MTDH: variants seen among roughly 807,000 people sequenced by gnomAD.
The protein encoded by MTDH is metadherin.
MTDH carries 34 observed loss-of-function variants against 72.7 expected under a neutral mutation model. The observed-to-expected ratio is 0.47, with a 90% CI of 0.36 to 0.62. MTDH has a LOEUF of 0.62. Ranked by LOEUF, MTDH falls within the 20% of genes least tolerant of loss-of-function variation. The pLI is 0.00. For missense variants in MTDH, 677 were observed against 699.4 expected (o/e 0.97, Z 0.36); for synonymous variants, 266 against 268.9 (o/e 0.99, Z 0.10).
chr8:97,692,542 AT>A (rs149399419), intron 6 of MTDH, among the ~76,000 whole-genome samples: 4,768 of 150,312 alleles, frequency 0.032, 278 homozygotes, highest in African/African-American at 0.11. Flanking sequence ...TCAGCTAATT[AT>A]TTTTTTGTAT....
At chr8:97,682,222 T>TA (rs1262832944) in intron 2 of MTDH, among the ~76,000 whole-genome samples, 1 of 118,746 alleles carries the variant, frequency 8.4e-6, no homozygotes, top group Non-Finnish European at 1.7e-5. Flanking sequence ...GTGTTCTTGT[T>TA]AATTACTTTA....
Position 97,661,166 on chromosome 8 carries a change from A to AT in MTDH, c.477dup (p.Glu160Ter). ...CAGCCACCAGAGATTGACAAGAAAA[A>AT]TGAAAAGGTAAGTTTGGGAGCATAT... On this transcript the variant is annotated frameshift_variant, in exon 2 of 12. Transcript: ENST00000336273. LOFTEE classifies it high-confidence loss of function. 1 of 1,609,516 alleles carries AT rather than the reference A, an allele frequency of 6.2e-7. No individual in the cohort carries two copies. The highest frequency in any genetic ancestry group is 8.5e-7 in the Non-Finnish European group (1 of 1,177,490).
At chr8:97,683,212 G>T (rs556608520) in intron 2 of MTDH, among the ~76,000 whole-genome samples, 2 of 150,038 alleles carry the variant, frequency 1.3e-5, no homozygotes, top group Non-Finnish European at 3.0e-5. Context: ...CTACAGGCAC[G>T]TGCCACCACA....
intron 8 of MTDH, 95 bp from the exon 9 acceptor site, chr8:97,713,567 C>G: frequency 1.5e-6 from 1 of 666,776 alleles, no homozygotes; most frequent in South Asian, 2.5e-5. Context: ...GAAATGAAGA[C>G]TGTACCTAAT....
chr8:97,678,835 T>C (rs1218741322), intron 2 of MTDH, among the ~76,000 whole-genome samples: 3 of 152,126 alleles, frequency 2.0e-5, no homozygotes, highest in Non-Finnish European at 2.9e-5. Flanking sequence ...TACAAAGAAT[T>C]TATACTGAAT....
intron 7 of MTDH, among the ~76,000 whole-genome samples, chr8:97,701,545 C>G (rs1326798207): frequency 2.0e-5 from 3 of 151,908 alleles, no homozygotes; most frequent in Non-Finnish European, 2.9e-5. Context: ...TATTTAAATC[C>G]AAGGTTTTAC....
At chr8:97,681,299 G>A (rs1161286986) in intron 2 of MTDH, among the ~76,000 whole-genome samples, 1 of 152,026 alleles carries the variant, frequency 6.6e-6, no homozygotes, top group Non-Finnish European at 1.5e-5. Flanking sequence ...GGAATCAAAT[G>A]CTCATATGTA....
rs2131090971 is a variant in MTDH at position 97,723,118 on chromosome 8, G to A, written c.1678+83G>A. The stretch of plus-strand genomic sequence containing the variant: ...TTCTGATCTTAAAAGTCTAATGGAG[G>A]CCAGGCGCAGTGGCTCACGCCTGTA... On this transcript the variant is annotated intron_variant, in intron 11 of 11. Transcript: ENST00000336273. The A allele has an allele frequency of 2.1e-6, 3 of 1,439,442 alleles. No homozygotes were observed. The East Asian group carries it at 7.2e-5, about 34-fold the overall frequency. 89.2% of individuals were successfully genotyped at this position (1,439,442 alleles called of 1,614,324 possible).
rs993123105 is a variant in MTDH, at chr8:97,729,427, A to C, written c.*4757A>C. 1.7e-4 allele frequency among the ~76,000 whole-genome samples: 26 copies of C among 152,104 alleles called. No homozygotes were observed. Among genetic ancestry groups the C allele is most frequent in the Admixed American group, 1.6e-3 (25 of 15,240 alleles). On this transcript the variant is annotated 3_prime_UTR_variant, in exon 12 of 12. Transcript: ENST00000336273. ...GAAGCTGGATGGGACGTAATATTCTATCTGGGTTGTCATGGGCCAAATTAA... is the reference window on the plus strand; with the variant it reads ...GAAGCTGGATGGGACGTAATATTCTCTCTGGGTTGTCATGGGCCAAATTAA...
intron 1 of MTDH, among the ~76,000 whole-genome samples, chr8:97,656,030 T>G (rs1035385377): frequency 2.0e-5 from 3 of 152,180 alleles, no homozygotes; most frequent in Non-Finnish European, 4.4e-5. Context: ...GCCCATAGTC[T>G]TCTCATATTC....
chr8:97,720,476 CTGAG>C (rs1454342807), intron 10 of MTDH, among the ~76,000 whole-genome samples: 10 of 149,530 alleles, frequency 6.7e-5, no homozygotes, highest in Non-Finnish European at 1.5e-4. Flanking sequence ...ACTCGGGAGA[CTGAG>C]TGGGAAGATC....
At chr8:97,708,549 T>C (rs1342998314) in intron 8 of MTDH, among the ~76,000 whole-genome samples, 2 of 120,230 alleles carry the variant, frequency 1.7e-5, no homozygotes, top group Non-Finnish European at 3.2e-5. Flanking sequence ...CCCAAAGTGC[T>C]GGGATTACAG....
intron 11 of MTDH, among the ~76,000 whole-genome samples, chr8:97,724,293 T>TAAA (rs1815271830): frequency 6.6e-6 from 1 of 152,194 alleles, no homozygotes. Flanking sequence ...CTACCTTTAG[T>TAAA]ATCCATTTTA....
intron 6 of MTDH, among the ~76,000 whole-genome samples, chr8:97,698,376 A>G (rs922680299): frequency 6.6e-6 from 1 of 152,190 alleles, no homozygotes; most frequent in African/African-American, 2.4e-5. Flanking sequence ...TCTATAAAGC[A>G]AGGGGTTTGA....
At chr8:97,718,789 C>G (rs536506123) in intron 9 of MTDH, among the ~76,000 whole-genome samples, 5 of 151,822 alleles carry the variant, frequency 3.3e-5, no homozygotes, top group Non-Finnish European at 7.4e-5. Flanking sequence ...CTCCATCTCT[C>G]AGGCTCAAGT....
At chr8:97,651,859 C>A (rs1345657821) in intron 1 of MTDH, among the ~76,000 whole-genome samples, 1 of 152,168 alleles carries the variant, frequency 6.6e-6, no homozygotes, top group Non-Finnish European at 1.5e-5. Flanking sequence ...TTCTTGCCTT[C>A]TCCCAGTCTT....
At chr8:97,697,150 A>ATATATATATATATTTTTTTTTTTTTT in intron 6 of MTDH, among the ~76,000 whole-genome samples, 11 of 68,754 alleles carry the variant, frequency 1.6e-4, no homozygotes, top group Admixed American at 4.7e-4. Flanking sequence ...ATATATATAT[A>ATATATATATATATTTTTTTTTTTTTT]TTTTTTTTTT....
intron 1 of MTDH, among the ~76,000 whole-genome samples, chr8:97,658,687 G>C (rs149149079): frequency 5.1e-4 from 77 of 152,292 alleles, no homozygotes; most frequent in African/African-American, 1.8e-3. Context: ...TATAAGTTTT[G>C]TGAGTTGCCA....
intron 1 of MTDH, among the ~76,000 whole-genome samples, chr8:97,657,607 GA>G (rs1467207843): frequency 1.3e-5 from 2 of 151,920 alleles, no homozygotes; most frequent in African/African-American, 4.8e-5. Context: ...AGGCTGAAGT[GA>G]TCCTCCCATT....
Sources: allele counts gnomAD v4.1 joint callset (sites outside exome capture counted in the v4.1 genomes callset), GRCh38; gene constraint gnomAD v4.1.1; transcripts MANE v1.5; gene names NCBI Gene and HGNC (gene_info 2026-07-23, HGNC 2026-07-21).